PPARGC1A: variants seen among roughly 807,000 people sequenced by gnomAD.
PPARGC1A encodes the protein peroxisome proliferator-activated receptor gamma coactivator 1-alpha.
In PPARGC1A, 25 loss-of-function variants were observed where a neutral mutation model predicts 88.7. That is an observed-to-expected ratio of 0.28 (90% CI 0.21 to 0.39). The LOEUF (loss-of-function observed/expected upper bound fraction) is 0.39, where lower values mean the gene tolerates loss of function less well. Ranked by LOEUF, PPARGC1A falls within the 10% of genes least tolerant of loss-of-function variation. PPARGC1A has a pLI of 1.00. For missense variants in PPARGC1A, 880 were observed against 968.7 expected (o/e 0.91, Z 1.22); for synonymous variants, 363 against 355.6 (o/e 1.02, Z -0.24).
chr4:24,083,153 T>C, the PPARGC1A span, among the ~76,000 whole-genome samples: 2 of 152,020 alleles, frequency 1.3e-5, no homozygotes. Flanking sequence ...CTGAGAGAAA[T>C]AGGCAAATGA....
the PPARGC1A span, among the ~76,000 whole-genome samples, chr4:24,183,812 T>A: frequency 4.6e-5 from 7 of 152,204 alleles, no homozygotes; most frequent in African/African-American, 1.2e-4. Flanking sequence ...CTCACGGAAA[T>A]TTTTTTTAAT....
At chr4:24,035,348 G>A in the PPARGC1A span, among the ~76,000 whole-genome samples, 1 of 151,808 alleles carries the variant, frequency 6.6e-6, no homozygotes, top group Non-Finnish European at 1.5e-5. Context: ...GAGACCAGAT[G>A]GGCCAACATG....
At chr4:23,810,132 AAG>A (rs1720620602) in intron 10 of PPARGC1A, among the ~76,000 whole-genome samples, 1 of 152,218 alleles carries the variant, frequency 6.6e-6, no homozygotes, top group Non-Finnish European at 1.5e-5. Flanking sequence ...GTAATTGTCC[AAG>A]TGGAAATTGG....
At chr4:23,856,720 C>T (rs34888966) in intron 2 of PPARGC1A, among the ~76,000 whole-genome samples, 28,871 of 151,996 alleles carry the variant, frequency 0.19, 3,286 homozygotes, top group Middle Eastern at 0.31. Context: ...ACAGGCATGG[C>T]CCCTCCCTCA....
At chr4:24,335,322 C>T in the PPARGC1A span, among the ~76,000 whole-genome samples, 2 of 152,088 alleles carry the variant, frequency 1.3e-5, no homozygotes, top group Admixed American at 6.6e-5. Context: ...GGAAGTTAGG[C>T]GATGTTTATC....
the PPARGC1A span, among the ~76,000 whole-genome samples, chr4:24,250,277 C>T: frequency 6.6e-6 from 1 of 152,236 alleles, no homozygotes; most frequent in Non-Finnish European, 1.5e-5. Flanking sequence ...GGACTAACAC[C>T]TGTGCTCATT....
chr4:24,095,997 A>T, the PPARGC1A span, among the ~76,000 whole-genome samples: 1 of 152,152 alleles, frequency 6.6e-6, no homozygotes, highest in South Asian at 2.1e-4. Flanking sequence ...CAGGCATGAT[A>T]TGGTTTGGAT....
the PPARGC1A span, among the ~76,000 whole-genome samples, chr4:24,170,186 T>C: frequency 1.3e-5 from 2 of 152,126 alleles, no homozygotes; most frequent in Non-Finnish European, 2.9e-5. Context: ...AACAATCTGC[T>C]ACTGAGTGGT....
intron 10 of PPARGC1A, among the ~76,000 whole-genome samples, chr4:23,805,876 A>T (rs1421873419): frequency 6.6e-6 from 1 of 152,214 alleles, no homozygotes; most frequent in East Asian, 1.9e-4. Flanking sequence ...TATGTATTCA[A>T]GGAAATTTGA....
rs1718776601 is a variant in PPARGC1A, at chr4:23,801,722, A to C, written c.2293+8T>G. On this transcript the variant is annotated splice_region_variant and intron_variant, in intron 12 of 12. Coordinates refer to ENST00000264867, the MANE Select transcript of PPARGC1A (RefSeq NM_013261.5). ...GATTCCTCATTCCACGTACAATAAA[A>C]TCCATACCTAGGTCTGCATAGTTAG... 1 of 1,613,746 alleles carries C rather than the reference A, an allele frequency of 6.2e-7. No homozygotes were observed. Among genetic ancestry groups the C allele is most frequent in the South Asian group, 1.1e-5 (1 of 91,084 alleles).
At chr4:24,193,769 C>G in the PPARGC1A span, among the ~76,000 whole-genome samples, 4 of 152,274 alleles carry the variant, frequency 2.6e-5, no homozygotes, top group East Asian at 7.7e-4. Flanking sequence ...AGGCAATGTG[C>G]CTTTTCTCTG....
the PPARGC1A span, among the ~76,000 whole-genome samples, chr4:24,294,286 C>T: frequency 6.6e-6 from 1 of 152,152 alleles, no homozygotes; most frequent in Non-Finnish European, 1.5e-5. Flanking sequence ...ATATGAAAAT[C>T]ATGATCAGAA....
chr4:23,957,793 T>G, the PPARGC1A span, among the ~76,000 whole-genome samples: 6 of 152,074 alleles, frequency 3.9e-5, no homozygotes, highest in African/African-American at 1.4e-4. Context: ...ATAACAAGCA[T>G]AGTTATTTAT....
At chr4:23,833,316 T>A (rs895599433) in intron 2 of PPARGC1A, among the ~76,000 whole-genome samples, 3 of 152,250 alleles carry the variant, frequency 2.0e-5, no homozygotes, top group Non-Finnish European at 4.4e-5. Context: ...AATTCATTGA[T>A]CTGCATTTAT....
the PPARGC1A span, among the ~76,000 whole-genome samples, chr4:24,048,110 A>G: frequency 6.6e-6 from 1 of 152,036 alleles, no homozygotes; most frequent in Non-Finnish European, 1.5e-5. Context: ...TTCCTTTGCT[A>G]TTTTCTTCTC....
At chr4:24,243,867 A>G in the PPARGC1A span, among the ~76,000 whole-genome samples, 2 of 152,206 alleles carry the variant, frequency 1.3e-5, no homozygotes, top group Admixed American at 6.5e-5. Context: ...TCCTAAGAAA[A>G]CAGACTTAAC....
At chr4:24,214,394 A>G in the PPARGC1A span, among the ~76,000 whole-genome samples, 1 of 152,246 alleles carries the variant, frequency 6.6e-6, no homozygotes, top group African/African-American at 2.4e-5. Flanking sequence ...GGTTTTACAC[A>G]TGCCTCGAAA....
chr4:24,472,663 T>TGCTGCC, the PPARGC1A span, among the ~76,000 whole-genome samples: 4 of 151,496 alleles, frequency 2.6e-5, no homozygotes, highest in Non-Finnish European at 5.9e-5. This position sits in a 1 kb window ranked among gnomAD's most constrained non-coding sequence, Gnocchi z 4.5. Context: ...ATGCTCGGGC[T>TGCTGCC]GCCGCCGCCG....
chr4:23,961,801 C>G, the PPARGC1A span, among the ~76,000 whole-genome samples: 1 of 152,092 alleles, frequency 6.6e-6, no homozygotes, highest in Non-Finnish European at 1.5e-5. Flanking sequence ...CATGTTAGGC[C>G]GTGATGAGAT....
Sources: gnomAD v4.1 joint callset for allele counts (sites outside exome capture counted in the v4.1 genomes callset) on GRCh38, gnomAD v4.1.1 for gene constraint, Gnocchi (gnomAD v3.1) non-coding constraint, MANE v1.5 for transcripts, NCBI Gene and HGNC (gene_info 2026-07-23, HGNC 2026-07-21) for gene names.